The following NUP50 variants were observed in gnomAD, a reference collection of about 807,000 sequenced individuals.
NUP50 encodes the protein nucleoporin 50.
Under a neutral mutation model 36.8 loss-of-function variants are expected in NUP50, and 14 were observed. The ratio of observed to expected loss-of-function variants is 0.38; its 90% confidence interval spans 0.25 to 0.59. The LOEUF (loss-of-function observed/expected upper bound fraction) is 0.59. Among genes scored for constraint, NUP50 ranks in the 20% least tolerant of loss-of-function variants. The pLI, the probability that NUP50 is intolerant of heterozygous loss-of-function variation, is 0.63. For synonymous variants in NUP50, 195 were observed against 210.8 expected, an observed-to-expected ratio of 0.93 and a Z score of 0.65; for missense variants, 455 against 564.6, an observed-to-expected ratio of 0.81 and a Z score of 1.97.
intron 3 of NUP50, among the ~76,000 whole-genome samples, chr22:45,173,259 T>G (rs1419661144): frequency 1.3e-5 from 2 of 152,208 alleles, no homozygotes; most frequent in African/African-American, 4.8e-5. Context: ...ATACTTATGG[T>G]GTACAACATG....
At chr22:45,171,502 C>A in intron 2 of NUP50, 98 bp from the exon 3 acceptor site, 1 of 1,165,104 alleles carries the variant, frequency 8.6e-7, no homozygotes, top group Non-Finnish European at 1.3e-6. Flanking sequence ...TTTGAGAGGC[C>A]GGACACAGTG....
At chr22:45,168,889 A>G (rs1432985240) in intron 2 of NUP50, among the ~76,000 whole-genome samples, 4 of 132,166 alleles carry the variant, frequency 3.0e-5, no homozygotes, top group Admixed American at 9.0e-5. Flanking sequence ...CCCGGTCTCT[A>G]TAAAAAAAAT....
intron 3 of NUP50, among the ~76,000 whole-genome samples, chr22:45,173,496 T>G (rs1440336301): frequency 6.6e-6 from 1 of 152,146 alleles, no homozygotes; most frequent in Non-Finnish European, 1.5e-5. Context: ...ATGGTTGGTC[T>G]TGGAAATGCT....
At chr22:45,172,018 T>G in intron 3 of NUP50, 1 of 236,452 alleles carries the variant, frequency 4.2e-6, no homozygotes, top group Non-Finnish European at 8.5e-6. Flanking sequence ...TCTTGTCTGC[T>G]CCCTGCGATT....
Position 45,176,093 on chromosome 22 carries a change from C to T in NUP50, c.340+13C>T, listed in dbSNP as rs780000056. The T allele has an allele frequency of 3.7e-6, 6 of 1,611,128 alleles. No homozygotes were observed. In the African/African-American group the frequency reaches 6.7e-5, roughly 18 times the overall value. Reference sequence around the variant, plus strand: ...AAGGTAGCCTTTGGTAAGTAGCTCCCATCCCCCAGCCGCCTGTGTAAGTAT... The same window carrying T: ...AAGGTAGCCTTTGGTAAGTAGCTCCTATCCCCCAGCCGCCTGTGTAAGTAT... On this transcript the variant is annotated intron_variant, in intron 4 of 7. Coordinates refer to ENST00000347635, the MANE Select transcript of NUP50 (RefSeq NM_007172.4).
intron 6 of NUP50, among the ~76,000 whole-genome samples, chr22:45,183,159 A>G (rs916279039): frequency 1.3e-5 from 2 of 151,974 alleles, no homozygotes; most frequent in African/African-American, 4.8e-5. Flanking sequence ...AGTGTTATAA[A>G]AAGTTTCATG....
Position 45,175,916 on chromosome 22 carries a change from A to T in NUP50, c.176A>T (p.Lys59Ile), listed in dbSNP as rs766566042. 1 of 1,614,074 alleles carries T rather than the reference A, an allele frequency of 6.2e-7. No individual in the cohort carries two copies. Among genetic ancestry groups the T allele is most frequent in the South Asian group, 1.1e-5 (1 of 91,078 alleles). Reference protein sequence around the residue: ...GFESDTGGAFKGFKGLVVPSG... With the variant: ...GFESDTGGAFIGFKGLVVPSG... Reference sequence around the variant, plus strand: ...CAGTCTGACACTGGAGGAGCCTTTAAAGGTTTTAAAGGTTTGGTGGTACCT... The same window carrying T: ...CAGTCTGACACTGGAGGAGCCTTTATAGGTTTTAAAGGTTTGGTGGTACCT... The change falls in exon 4 of 8, where the codon AAA becomes ATA. Residue 59 changes from lysine to isoleucine, a missense_variant. Lys to Ile is a moderately radical substitution (Grantham distance 102). Around this residue, in one of 3 missense-constraint regions of NUP50, gnomAD observed 166 missense variants for 202.8 expected, o/e 0.82. Transcript: ENST00000347635.
chr22:45,179,643 G>A (rs551272572), intron 5 of NUP50, among the ~76,000 whole-genome samples: 3 of 152,306 alleles, frequency 2.0e-5, no homozygotes, highest in South Asian at 2.1e-4. Context: ...CCAGCACTTC[G>A]GGAGGCCAAA....
rs913028943 is a variant in NUP50 at position 45,185,201 on chromosome 22, G to A, written c.*546G>A. On this transcript the variant is annotated 3_prime_UTR_variant, in exon 8 of 8. Coordinates refer to ENST00000347635, the MANE Select transcript of NUP50 (RefSeq NM_007172.4). The stretch of plus-strand genomic sequence containing the variant: ...TTTGAAGCTCAAATGCGAGTACTAA[G>A]TGTTCACCTCAGCGTTCGAATCATT... 15 of 160,700 alleles carry A rather than the reference G, an allele frequency of 9.3e-5. No homozygotes were observed. Among genetic ancestry groups the A allele is most frequent in the Non-Finnish European group, 1.5e-4 (11 of 72,656 alleles). 10.0% of individuals were successfully genotyped at this position (160,700 alleles called of 1,614,324 possible).
At chr22:45,174,324 T>C (rs1302477585) in intron 3 of NUP50, among the ~76,000 whole-genome samples, 1 of 151,948 alleles carries the variant, frequency 6.6e-6, no homozygotes, top group African/African-American at 2.4e-5. Flanking sequence ...ACTACAGGCA[T>C]GCGCCACCAC....
intron 5 of NUP50, among the ~76,000 whole-genome samples, chr22:45,180,772 C>T (rs1053673342): frequency 6.6e-6 from 1 of 151,610 alleles, no homozygotes; most frequent in Non-Finnish European, 1.5e-5. Flanking sequence ...ACCCATGTGG[C>T]AATTCAGACA....
In NUP50 at chr22:45,186,152, C is replaced by T. The variant is rs773929369; in HGVS notation, c.*1497C>T. 2 of 152,196 alleles carry T rather than the reference C, an allele frequency of 1.3e-5. No individual in the cohort carries two copies. The highest frequency in any genetic ancestry group is 2.9e-5 in the Non-Finnish European group (2 of 68,046). 9.4% of individuals were successfully genotyped at this position (152,196 alleles called of 1,614,324 possible). A position where few individuals can be genotyped will look rare whatever the true frequency, so the allele number is the denominator to read the frequency against. On this transcript the variant is annotated 3_prime_UTR_variant, in exon 8 of 8. Coordinates refer to ENST00000347635, the MANE Select transcript of NUP50 (RefSeq NM_007172.4). ...TTGGCATGAGGTTCTTGCTCTACTT[C>T]CAGTGTTTTGATTCCACTGGGAGAA...
intron 3 of NUP50, 177 bp downstream of exon 3, chr22:45,171,860 A>C (rs1242850012): frequency 1.8e-6 from 1 of 544,264 alleles, no homozygotes; most frequent in Non-Finnish European, 3.3e-6. Context: ...CCTTAAAGAG[A>C]GCTTATCCAG....
At chr22:45,177,525 C>A (rs9615053) in intron 4 of NUP50, among the ~76,000 whole-genome samples, 69,119 of 151,706 alleles carry the variant, frequency 0.46, 16,258 homozygotes, top group Middle Eastern at 0.52. Flanking sequence ...TACAGAGGGG[C>A]GACTGTACTT....
chr22:45,171,710 A>G (rs2074197957), intron 3 of NUP50, 27 bp downstream of exon 3: 1 of 1,581,640 alleles, frequency 6.3e-7, no homozygotes, highest in South Asian at 1.1e-5. Context: ...AGCTCTTGCT[A>G]TTAAATACTC....
intron 3 of NUP50, among the ~76,000 whole-genome samples, chr22:45,173,607 C>T (rs568986142): frequency 2.0e-5 from 3 of 152,248 alleles, no homozygotes; most frequent in East Asian, 1.9e-4. Context: ...CGGCAGCTTT[C>T]GTCATGTGGG....
At chr22:45,166,454 T>C (rs748070952) in intron 1 of NUP50, 4 of 151,850 alleles carry the variant, frequency 2.6e-5, no homozygotes, top group Non-Finnish European at 5.9e-5. Flanking sequence ...GCCCAGCTAA[T>C]TTTTTTATTT....
In NUP50 at chr22:45,168,172, G is replaced by A. The variant is rs375997933; in HGVS notation, c.-6G>A. On this transcript the variant is annotated 5_prime_UTR_variant, in exon 2 of 8. Coordinates refer to ENST00000347635, the MANE Select transcript of NUP50 (RefSeq NM_007172.4). ...CTTCTGTTTTCTATAACTTAGGTTC[G>A]AAAACATGGCCAAAAGAAATGCCGA... 2.8e-5 allele frequency: 45 copies of A among 1,605,898 alleles called. No homozygotes were observed. The African/African-American group carries it at 3.9e-4, about 14-fold the overall frequency.
chr22:45,183,085 C>CGGGGGGGGGGG (rs60488848), intron 6 of NUP50, among the ~76,000 whole-genome samples: 1 of 114,202 alleles, frequency 8.8e-6, no homozygotes. Flanking sequence ...GGGTTGGGGG[C>CGGGGGGGGGGG]GGGGGGGGGG....
Sources: allele counts gnomAD v4.1 joint callset (sites outside exome capture counted in the v4.1 genomes callset), GRCh38; gene constraint gnomAD v4.1.1; regional missense constraint gnomAD v4.1.1; transcripts MANE v1.5; gene names NCBI Gene and HGNC (gene_info 2026-07-23, HGNC 2026-07-21).